Variants in CBFA2T3 observed in about 807,000 individuals in gnomAD.
CBFA2T3 encodes the protein transcriptional corepressor CBFA2T3.
In CBFA2T3, 31 loss-of-function variants were observed where a neutral mutation model predicts 58.6. The observed-to-expected ratio is 0.53, with a 90% confidence interval of 0.40 to 0.71. The LOEUF is 0.71. Ranked by LOEUF, CBFA2T3 falls within the 30% of genes least tolerant of loss-of-function variation. The pLI, the probability that CBFA2T3 is intolerant of heterozygous loss-of-function variation, is 0.00. For missense variants in CBFA2T3, 1,076 were observed against 963.1 expected (o/e 1.12, Z -1.55); for synonymous variants, 531 against 421.9 (o/e 1.26, Z -3.17).
intron 1 of CBFA2T3, among the ~76,000 whole-genome samples, chr16:88,975,622 C>T (rs186304311): frequency 6.6e-5 from 10 of 152,378 alleles, no homozygotes; most frequent in South Asian, 2.1e-4. Context: ...GTCACCCATT[C>T]GGGAGAAACG....
In CBFA2T3 at chr16:88,885,363, G is replaced by A. The variant is rs1450035156; in HGVS notation, c.894-94C>T. 6.1e-6 allele frequency: 5 copies of A among 825,126 alleles called. No homozygotes were observed. Among genetic ancestry groups the A allele is most frequent in the Admixed American group, 3.3e-5 (1 of 30,484 alleles). The allele number at this position is 825,126 out of a possible 1,614,324, so 51.1% of individuals were successfully genotyped here. A position where few individuals can be genotyped will look rare whatever the true frequency, so the allele number is the denominator to read the frequency against. ...GGTGAGAGGCAGACAGGCAAGGGCA[G>A]AGAGAAAGAGGACACGTAAGGGCGA... On this transcript the variant is annotated intron_variant, in intron 6 of 11. Coordinates refer to ENST00000268679, the MANE Select transcript of CBFA2T3 (RefSeq NM_005187.6). This position sits in a 1 kb window ranked among gnomAD's most constrained non-coding sequence, Gnocchi z 5.3.
chr16:88,907,637 C>A (rs556471277), intron 1 of CBFA2T3, among the ~76,000 whole-genome samples: 1 of 152,078 alleles, frequency 6.6e-6, no homozygotes, highest in East Asian at 1.9e-4. Flanking sequence ...CCAGCTACCC[C>A]TTCCCCACTG....
chr16:88,976,424 G>C (rs2142898702), intron 1 of CBFA2T3, among the ~76,000 whole-genome samples: 1 of 152,282 alleles, frequency 6.6e-6, no homozygotes, highest in Non-Finnish European at 1.5e-5. Context: ...CTCTGGGTGG[G>C]GCTGGGGCAC....
chr16:88,947,249 G>A (rs538195388), intron 1 of CBFA2T3, among the ~76,000 whole-genome samples: 10 of 152,338 alleles, frequency 6.6e-5, no homozygotes, highest in Non-Finnish European at 1.0e-4. Flanking sequence ...CCAGAACCAC[G>A]CTAAAGAATA....
At chr16:88,945,716 G>A (rs374283519) in intron 1 of CBFA2T3, among the ~76,000 whole-genome samples, 1 of 152,152 alleles carries the variant, frequency 6.6e-6, no homozygotes, top group Non-Finnish European at 1.5e-5. Flanking sequence ...ATTCATTGCC[G>A]ACGGGAATGC....
intron 1 of CBFA2T3, among the ~76,000 whole-genome samples, chr16:88,916,685 T>TC (rs1450945105): frequency 6.6e-6 from 1 of 152,116 alleles, no homozygotes. Context: ...TCCTTTGCCT[T>TC]CCCTCCTTGC....
chr16:88,918,165 G>C (rs1302869177), intron 1 of CBFA2T3, among the ~76,000 whole-genome samples: 1 of 152,150 alleles, frequency 6.6e-6, no homozygotes, highest in Non-Finnish European at 1.5e-5. Context: ...CCAGGACCCT[G>C]GGCCGGGGAT....
rs759369853 is a variant in CBFA2T3, at chr16:88,885,100, C to A, written c.1063G>T (p.Asp355Tyr). The A allele has an allele frequency of 6.2e-7, 1 of 1,602,596 alleles. No individual in the cohort carries two copies. The highest frequency in any genetic ancestry group is 1.7e-4 in the Middle Eastern group (1 of 6,048). The change falls in exon 7 of 12, where the codon GAT (aspartate) becomes TAT (tyrosine). Residue 355 changes from aspartate (D) to tyrosine (Y), a missense_variant. By Grantham distance (160) the Asp-to-Tyr change is radical (BLOSUM62 -3). Coordinates refer to ENST00000268679, the MANE Select transcript of CBFA2T3 (RefSeq NM_005187.6). This position sits in a 1 kb window ranked among gnomAD's most constrained non-coding sequence, Gnocchi z 5.3. ...CGGGGGTCTGGGTGGCGGTAGGCAT[C>A]TCGGAAGTGGTGGGCCATGGCTATG... is the stretch of plus-strand genomic sequence containing the variant. ...EDIAMAHHFRDAYRHPDPREL... is the reference protein window; with the variant it reads ...EDIAMAHHFRYAYRHPDPREL...
rs542126565 is a variant in CBFA2T3, at chr16:88,976,958, G to A, written c.-151C>T. On this transcript the variant is annotated 5_prime_UTR_variant, in exon 1 of 12. Coordinates refer to ENST00000268679, the MANE Select transcript of CBFA2T3 (RefSeq NM_005187.6). ...TGGGCCTCTGTCCCTGGAAAGCCGA[G>A]GCCCTCCCGGCCACCAACTGGGTGT... The A allele has an allele frequency of 1.1e-6, 1 of 902,402 alleles. No individual in the cohort carries two copies. Among genetic ancestry groups the A allele is most frequent in the African/African-American group, 1.7e-5 (1 of 59,940 alleles). 55.9% of individuals were successfully genotyped at this position (902,402 alleles called of 1,614,324 possible). A position where few individuals can be genotyped will look rare whatever the true frequency, so the allele number is the denominator to read the frequency against.
intron 2 of CBFA2T3, among the ~76,000 whole-genome samples, chr16:88,899,644 G>T (rs1041592897): frequency 2.0e-5 from 3 of 152,160 alleles, no homozygotes; most frequent in Admixed American, 1.3e-4. Context: ...GCATCAGACC[G>T]GCACCTTCCA....
At position 88,900,503 on chromosome 16, in the gene CBFA2T3, G is replaced by C. The variant is rs1433902465; in HGVS notation, c.304+1001C>G. On this transcript the variant is annotated intron_variant, in intron 2 of 11. Transcript: ENST00000268679. Reference sequence around the variant, plus strand: ...TCTGAGGACAGTCGTGACGTAAAGGGACTGAGGAAGCAGCTCTTTCTGGCC... The same window carrying C: ...TCTGAGGACAGTCGTGACGTAAAGGCACTGAGGAAGCAGCTCTTTCTGGCC... Among the ~76,000 whole-genome samples, 2 of 152,242 alleles carry C rather than the reference G, an allele frequency of 1.3e-5. 1 individual carries two copies. The highest frequency in any genetic ancestry group is 3.9e-4 in the East Asian group (2 of 5,192).
In CBFA2T3 at chr16:88,885,307, T is replaced by C. The variant is rs544130326; in HGVS notation, c.894-38A>G. Reference sequence around the variant, plus strand: ...GCAGGTGGGGCGAGGGCAGTGGACATAGGATGAACCGGGGACAGAGGTGCA... The same window carrying C: ...GCAGGTGGGGCGAGGGCAGTGGACACAGGATGAACCGGGGACAGAGGTGCA... On this transcript the variant is annotated intron_variant, in intron 6 of 11. Transcript: ENST00000268679. This position sits in a 1 kb window ranked among gnomAD's most constrained non-coding sequence, Gnocchi z 5.3. The C allele has an allele frequency of 1.1e-5, 16 of 1,423,490 alleles. No homozygotes were observed. The highest frequency in any genetic ancestry group is 8.6e-5 in the African/African-American group (6 of 69,476). The allele number at this position is 1,423,490 out of a possible 1,614,324, so 88.2% of individuals were successfully genotyped here.
chr16:88,894,433 A>G (rs1473552546), intron 3 of CBFA2T3, among the ~76,000 whole-genome samples: 1 of 109,354 alleles, frequency 9.1e-6, no homozygotes, highest in Non-Finnish European at 1.8e-5. Context: ...ATACACATGC[A>G]CACAATGTAC....
chr16:88,882,407 G>A (rs1411199773), intron 8 of CBFA2T3, among the ~76,000 whole-genome samples: 1 of 151,348 alleles, frequency 6.6e-6, no homozygotes, highest in Non-Finnish European at 1.5e-5. Context: ...GTGTGTGGGT[G>A]TGGCTGTGTG....
chr16:88,896,324 G>T (rs1209805202), intron 3 of CBFA2T3, among the ~76,000 whole-genome samples: 1 of 152,210 alleles, frequency 6.6e-6, no homozygotes, highest in Non-Finnish European at 1.5e-5. Flanking sequence ...CTGCACAGGG[G>T]GTAGCCTGTC....
At chr16:88,941,571 G>A (rs1345056064) in intron 1 of CBFA2T3, among the ~76,000 whole-genome samples, 2 of 148,188 alleles carry the variant, frequency 1.3e-5, no homozygotes, top group Non-Finnish European at 3.0e-5. Context: ...TGTGCGGAGC[G>A]CCGGGAGCAG....
chr16:88,948,449 C>T (rs768245789), intron 1 of CBFA2T3, among the ~76,000 whole-genome samples: 22 of 152,306 alleles, frequency 1.4e-4, no homozygotes, highest in African/African-American at 4.8e-4. Context: ...CTGCCTTGGC[C>T]GTCAGCCTGG....
chr16:88,886,330 G>A, intron 5 of CBFA2T3, 188 bp from the exon 6 acceptor site: 1 of 444,596 alleles, frequency 2.2e-6, no homozygotes, highest in East Asian at 3.5e-5. Context: ...TGGCGTGGGA[G>A]GGTGGGCACA....
chr16:88,906,195 C>T (rs1235624903), intron 1 of CBFA2T3, among the ~76,000 whole-genome samples: 2 of 152,178 alleles, frequency 1.3e-5, no homozygotes, highest in African/African-American at 4.8e-5. Context: ...AGGCCAACTG[C>T]AGGCTCCTCT....
Sources: gnomAD v4.1 joint callset for allele counts (sites outside exome capture counted in the v4.1 genomes callset) on GRCh38, gnomAD v4.1.1 for gene constraint, Gnocchi (gnomAD v3.1) non-coding constraint, MANE v1.5 for transcripts, NCBI Gene and HGNC (gene_info 2026-07-23, HGNC 2026-07-21) for gene names.